The following CSGALNACT2 variants were observed in gnomAD, a reference collection of about 807,000 sequenced individuals.
CSGALNACT2 encodes chondroitin sulfate N-acetylgalactosaminyltransferase 2.
A neutral mutation model predicts 55.3 loss-of-function variants in CSGALNACT2; 35 were observed. The ratio of observed to expected loss-of-function variants is 0.63; its 90% CI spans 0.48 to 0.84. The LOEUF (loss-of-function observed/expected upper bound fraction) is 0.84. CSGALNACT2 is among the 40% of genes least tolerant of loss of function. The pLI, the probability that CSGALNACT2 is intolerant of heterozygous loss-of-function variation, is 0.00. For missense variants in CSGALNACT2, 544 were observed against 657.5 expected (o/e 0.83, Z 1.89); for synonymous variants, 196 against 224.9 (o/e 0.87, Z 1.15).
chr10:43,163,652 C>A (rs1839198761), intron 4 of CSGALNACT2: 2 of 985,380 alleles, frequency 2.0e-6, no homozygotes, highest in African/African-American at 1.7e-5. Context: ...GAGCCTCATA[C>A]CACCAACATG....
chr10:43,160,512 A>G lies in CSGALNACT2; in HGVS notation c.897A>G (p.Gln299=). 1 of 1,567,312 alleles carries G rather than the reference A, an allele frequency of 6.4e-7. No homozygotes were observed. Among genetic ancestry groups the G allele is most frequent in the Non-Finnish European group, 8.8e-7 (1 of 1,139,508 alleles). Residue 299 remains glutamine (Q), a synonymous_variant, in exon 4 of 8, where the codon CAA becomes CAG. Transcript: ENST00000374466. ...CTGTTAGGGATGTTTGTATTCATCA[A>G]GACAAGAAGATTCATCTCACAGTGG... ...MQNFRDVCIH[Q]DKKIHLTVVY...
At chr10:43,169,600 G>GA (rs1005815161) in intron 6 of CSGALNACT2, among the ~76,000 whole-genome samples, 1 of 152,092 alleles carries the variant, frequency 6.6e-6, no homozygotes, top group Non-Finnish European at 1.5e-5. Flanking sequence ...TAACATGAGA[G>GA]AAAAATTAAG....
Position 43,184,497 on chromosome 10 carries a change from AC to A in CSGALNACT2, c.*956del, listed in dbSNP as rs1839657382. 2.6e-5 allele frequency: 4 copies of A among 152,218 alleles called. No homozygotes were observed. Among genetic ancestry groups the A allele is most frequent in the African/African-American group, 9.6e-5 (4 of 41,460 alleles). 9.4% of individuals were successfully genotyped at this position (152,218 alleles called of 1,614,324 possible). A position where few individuals can be genotyped will look rare whatever the true frequency, so the allele number is the denominator to read the frequency against. On this transcript the variant is annotated 3_prime_UTR_variant, in exon 8 of 8. Transcript: ENST00000374466. ...TTTTTCTAATATATTAATATATGCTACATTTGTATTTGCATTACTATAATAC... is the reference window on the plus strand; with the variant it reads ...TTTTTCTAATATATTAATATATGCTAATTTGTATTTGCATTACTATAATAC...
chr10:43,179,909 AT>A (rs1839557394), intron 7 of CSGALNACT2, among the ~76,000 whole-genome samples: 1 of 152,190 alleles, frequency 6.6e-6, no homozygotes, highest in Non-Finnish European at 1.5e-5. Flanking sequence ...TCTACATTCT[AT>A]TTTAAATAAA....
intron 1 of CSGALNACT2, among the ~76,000 whole-genome samples, chr10:43,152,358 C>T (rs1203822473): frequency 2.6e-5 from 4 of 152,100 alleles, no homozygotes; most frequent in African/African-American, 4.8e-5. Flanking sequence ...GAGTTTCTTT[C>T]GGGAACTAGG....
intron 5 of CSGALNACT2, among the ~76,000 whole-genome samples, chr10:43,165,743 C>G (rs1839251152): frequency 6.6e-6 from 1 of 152,194 alleles, no homozygotes; most frequent in Non-Finnish European, 1.5e-5. Context: ...GTAATCCCAG[C>G]ACTTTGGGAG....
chr10:43,164,053 AAT>A lies in CSGALNACT2; in HGVS notation c.1159+10_1159+11del. The A allele has an allele frequency of 6.2e-7, 1 of 1,608,610 alleles. No individual in the cohort carries two copies. The highest frequency in any genetic ancestry group is 8.5e-7 in the Non-Finnish European group (1 of 1,176,370). ...GTTAAATGCTGAGCCAGGTGCGTAA[AAT>A]GTTGGTAGATGAGCTGACTATAGAA... On this transcript the variant is annotated intron_variant, in intron 5 of 7. Transcript: ENST00000374466.
At chr10:43,181,849 G>A (rs1478176296) in intron 7 of CSGALNACT2, among the ~76,000 whole-genome samples, 1 of 93,552 alleles carries the variant, frequency 1.1e-5, no homozygotes, top group East Asian at 2.3e-4. Flanking sequence ...TTGGGAGGCC[G>A]AAGTGAGTGG....
At chr10:43,152,768 T>A (rs977938635) in intron 1 of CSGALNACT2, among the ~76,000 whole-genome samples, 3 of 152,190 alleles carry the variant, frequency 2.0e-5, no homozygotes, top group African/African-American at 7.2e-5. Flanking sequence ...TCTTTATTAA[T>A]TAAAGTATGT....
chr10:43,169,286 C>A (rs115835021), intron 6 of CSGALNACT2, among the ~76,000 whole-genome samples: 1,963 of 152,244 alleles, frequency 0.013, 45 homozygotes, highest in African/African-American at 0.045. Context: ...TAGCAATTAA[C>A]CAAGACTAAC....
rs1227113102 is a variant in CSGALNACT2, at chr10:43,184,908, A to G, written c.*1366A>G. The G allele has an allele frequency of 6.6e-6, 1 of 152,182 alleles. No homozygotes were observed. Among genetic ancestry groups the G allele is most frequent in the Admixed American group, 6.5e-5 (1 of 15,276 alleles). The allele number at this position is 152,182 out of a possible 1,614,324, so 9.4% of individuals were successfully genotyped here. A position where few individuals can be genotyped will look rare whatever the true frequency, so the allele number is the denominator to read the frequency against. Reference sequence around the variant, plus strand: ...AAATCATATCATCTGAAATATTACAAATTTCAAATTTCTAGGTGCTATATT... The same window carrying G: ...AAATCATATCATCTGAAATATTACAGATTTCAAATTTCTAGGTGCTATATT... On this transcript the variant is annotated 3_prime_UTR_variant, in exon 8 of 8. Coordinates refer to ENST00000374466, the MANE Select transcript of CSGALNACT2 (RefSeq NM_018590.5).
intron 1 of CSGALNACT2, 38 bp from the exon 2 acceptor site, chr10:43,154,859 G>C (rs1007909260): frequency 3.0e-6 from 1 of 335,150 alleles, no homozygotes; most frequent in Non-Finnish European, 5.4e-6. Context: ...ATCCTTAAGG[G>C]AACAAAATTC....
intron 7 of CSGALNACT2, among the ~76,000 whole-genome samples, chr10:43,180,600 G>C (rs1839572111): frequency 1.3e-5 from 2 of 152,108 alleles, no homozygotes; most frequent in Admixed American, 6.5e-5. Context: ...TCTGAATCTG[G>C]ATCTGGTACA....
At chr10:43,157,822 A>G (rs1839048660) in intron 2 of CSGALNACT2, among the ~76,000 whole-genome samples, 2 of 152,194 alleles carry the variant, frequency 1.3e-5, no homozygotes, top group Non-Finnish European at 1.5e-5. Context: ...TGAGGTCAAG[A>G]GATCAAGACC....
At chr10:43,182,489 A>C (rs1010203573) in intron 7 of CSGALNACT2, among the ~76,000 whole-genome samples, 2 of 152,092 alleles carry the variant, frequency 1.3e-5, no homozygotes, top group East Asian at 3.9e-4. Context: ...TAAATAATCT[A>C]TGGACCCATT....
At chr10:43,163,469 G>A (rs1839194856) in intron 4 of CSGALNACT2, 1 of 968,574 alleles carries the variant, frequency 1.0e-6, no homozygotes, top group Non-Finnish European at 1.2e-6. Context: ...CTCTGATAAG[G>A]CGACATGTGT....
intron 4 of CSGALNACT2, chr10:43,163,594 A>C (rs961853811): frequency 6.6e-5 from 65 of 985,254 alleles, no homozygotes; most frequent in Non-Finnish European, 7.8e-5. Flanking sequence ...TCAACTCCCC[A>C]AAAGGTGTTT....
At position 43,155,759 on chromosome 10, in the gene CSGALNACT2, G is replaced by A. The variant is rs750872809; in HGVS notation, c.610G>A (p.Glu204Lys). The A allele has an allele frequency of 6.2e-7, 1 of 1,613,818 alleles. No individual in the cohort carries two copies. The highest frequency in any genetic ancestry group is 1.7e-5 in the Admixed American group (1 of 59,964). The change falls in exon 2 of 8, where the codon GAG becomes AAG. Residue 204 changes from glutamate (E) to lysine (K), a missense_variant. Transcript: ENST00000374466. ...PDEDDEQEDE[E>K]GPLGEKLIFN... ...TGAAGATGATGAACAAGAAGATGAGGAGGGTCCCCTTGGAGAGAAACTGAT... is the reference window on the plus strand; with the variant it reads ...TGAAGATGATGAACAAGAAGATGAGAAGGGTCCCCTTGGAGAGAAACTGAT...
In CSGALNACT2 at chr10:43,175,979, G is replaced by A. The variant is rs1839474185; in HGVS notation, c.1283G>A (p.Arg428Gln). The stretch of plus-strand genomic sequence containing the variant: ...CACAAAAAGGATTCTGGCTTTTGGC[G>A]AGATTTTGGCTTTGGAATGACTTGT... The part of the protein sequence containing the change: ...LVHKKDSGFW[R>Q]DFGFGMTCQY... The change falls in exon 7 of 8, where the codon CGA (arginine) becomes CAA (glutamine). Residue 428 changes from arginine (R) to glutamine (Q), a missense_variant. This residue lies in a region of CSGALNACT2 where 170 missense variants were observed against 256.2 expected (regional missense o/e 0.66). Coordinates refer to ENST00000374466, the MANE Select transcript of CSGALNACT2 (RefSeq NM_018590.5). The A allele has an allele frequency of 1.9e-6, 3 of 1,608,050 alleles. No individual in the cohort carries two copies. Among genetic ancestry groups the A allele is most frequent in the East Asian group, 2.2e-5 (1 of 44,724 alleles).
Sources: allele counts gnomAD v4.1 joint callset (sites outside exome capture counted in the v4.1 genomes callset), GRCh38; gene constraint gnomAD v4.1.1; regional missense constraint gnomAD v4.1.1; transcripts MANE v1.5; gene names NCBI Gene and HGNC (gene_info 2026-07-23, HGNC 2026-07-21).